PLEKHA5: variants seen among roughly 807,000 people sequenced by gnomAD.
PLEKHA5 encodes pleckstrin homology domain containing A5.
PLEKHA5 carries 55 observed loss-of-function variants against 181.9 expected under a neutral mutation model. That is an observed-to-expected ratio of 0.30 (90% CI 0.24 to 0.38). PLEKHA5 has a LOEUF of 0.38. Among genes scored for constraint, PLEKHA5 ranks in the 10% least tolerant of loss-of-function variants. The probability of loss-of-function intolerance (pLI) is 1.00; values close to 1 mark genes in which losing one functional copy is unlikely to be tolerated. For synonymous variants in PLEKHA5, 535 were observed against 529.4 expected, an observed-to-expected ratio of 1.01 and a Z score of -0.15; for missense variants, 1,432 against 1,549.5, an observed-to-expected ratio of 0.92 and a Z score of 1.27.
chr12:19,348,075 G>T (rs970999717), intron 24 of PLEKHA5, among the ~76,000 whole-genome samples: 3 of 151,880 alleles, frequency 2.0e-5, no homozygotes, highest in Non-Finnish European at 4.4e-5. Flanking sequence ...TAGAGACAGG[G>T]TTTCACCATG....
Position 19,314,851 on chromosome 12 carries a change from C to T in PLEKHA5, c.2075C>T (p.Thr692Ile). The change falls in exon 16 of 32, where the codon ACA (threonine) becomes ATA (isoleucine). Residue 692 changes from threonine (T) to isoleucine (I), a missense_variant. Around this residue, in one of 2 missense-constraint regions of PLEKHA5, gnomAD observed 1,143 missense variants for 1,168.4 expected, o/e 0.98. Transcript: ENST00000429027. The stretch of plus-strand genomic sequence containing the variant: ...GAACCTATTATCACCATGGTTCACA[C>T]AATGATTGAGAACTCGGCGCTAAGA... ...ENEPIITMVH[T>I]MIENSALRPQ... 1 of 1,548,496 alleles carries T rather than the reference C, an allele frequency of 6.5e-7. No homozygotes were observed. The highest frequency in any genetic ancestry group is 8.7e-7 in the Non-Finnish European group (1 of 1,144,206).
chr12:19,334,140 G>C (rs1476581964), intron 20 of PLEKHA5, among the ~76,000 whole-genome samples: 1 of 152,124 alleles, frequency 6.6e-6, no homozygotes, highest in African/African-American at 2.4e-5. Context: ...TACCCAGCCA[G>C]ATGTTGGGAG....
chr12:19,187,056 A>G (rs2050041933), intron 3 of PLEKHA5, among the ~76,000 whole-genome samples: 1 of 152,174 alleles, frequency 6.6e-6, no homozygotes, highest in Admixed American at 6.5e-5. Flanking sequence ...TGTAATGAGC[A>G]TCTTCTATAT....
intron 3 of PLEKHA5, among the ~76,000 whole-genome samples, chr12:19,172,938 CT>C (rs1363231173): frequency 2.3e-5 from 3 of 129,450 alleles, no homozygotes; most frequent in African/African-American, 8.7e-5. Flanking sequence ...TGTTTTGCAT[CT>C]GAGCAATAGA....
At chr12:19,260,892 C>T (rs975180788) in intron 6 of PLEKHA5, 57 bp from the exon 7 acceptor site, 1 of 961,532 alleles carries the variant, frequency 1.0e-6, no homozygotes, top group African/African-American at 1.6e-5. Context: ...TAAATAAATG[C>T]ACATGTGAGT....
Position 19,325,674 on chromosome 12 carries a change from C to A in PLEKHA5, c.2448+3007C>A, listed in dbSNP as rs182367646. Among the ~76,000 whole-genome samples the A allele has an allele frequency of 9.6e-4, 116 of 120,932 alleles. 1 individual carries two copies. Among genetic ancestry groups the A allele is most frequent in the African/African-American group, 3.2e-3 (108 of 33,526 alleles). 79.3% of individuals were successfully genotyped at this position (120,932 alleles called of 152,430 possible). A position where few individuals can be genotyped will look rare whatever the true frequency, so the allele number is the denominator to read the frequency against. ...TTGCACTCCAGCCTGGGCGACAGAG[C>A]GAGACTCTGTCTCAAAAAAAAAAAA... On this transcript the variant is annotated intron_variant, in intron 20 of 31. Transcript: ENST00000429027.
At chr12:19,334,466 G>GTTAA (rs1482989415) in intron 20 of PLEKHA5, among the ~76,000 whole-genome samples, 4 of 152,140 alleles carry the variant, frequency 2.6e-5, no homozygotes, top group Non-Finnish European at 5.9e-5. Flanking sequence ...CTGCAGTGCA[G>GTTAA]TTAAGCCTAC....
At chr12:19,280,442 A>C (rs1565559255) in intron 11 of PLEKHA5, among the ~76,000 whole-genome samples, 1 of 152,178 alleles carries the variant, frequency 6.6e-6, no homozygotes, top group Non-Finnish European at 1.5e-5. Context: ...AAGGATTCCC[A>C]GATTATTAAG....
intron 3 of PLEKHA5, among the ~76,000 whole-genome samples, chr12:19,236,236 G>A (rs573001176): frequency 1.3e-5 from 2 of 152,268 alleles, no homozygotes; most frequent in African/African-American, 4.8e-5. Flanking sequence ...AGTATACGTT[G>A]GTAATCAAAT....
chr12:19,218,931 C>CTTTTTTTTTTAATTTTTTTTTT, intron 3 of PLEKHA5, among the ~76,000 whole-genome samples: 1 of 140,194 alleles, frequency 7.1e-6, no homozygotes, highest in Non-Finnish European at 1.5e-5. Flanking sequence ...TTTTAATTTT[C>CTTTTTTTTTTAATTTTTTTTTT]TTTTTTTTTT....
chr12:19,291,078 G>C (rs997369386), intron 14 of PLEKHA5, among the ~76,000 whole-genome samples: 3 of 152,164 alleles, frequency 2.0e-5, no homozygotes, highest in African/African-American at 7.2e-5. Context: ...CTTCATGTAC[G>C]CATTAACTTC....
chr12:19,350,067 G>A (rs1388563356), intron 25 of PLEKHA5, among the ~76,000 whole-genome samples: 3 of 152,170 alleles, frequency 2.0e-5, no homozygotes, highest in Non-Finnish European at 4.4e-5. Flanking sequence ...AGCCAAGATC[G>A]TGCCACTGCA....
intron 15 of PLEKHA5, among the ~76,000 whole-genome samples, chr12:19,299,280 T>A (rs1288194932): frequency 1.3e-5 from 2 of 152,218 alleles, no homozygotes; most frequent in Non-Finnish European, 2.9e-5. Context: ...GGAAAAATCA[T>A]GAGATTCTGT....
intron 3 of PLEKHA5, among the ~76,000 whole-genome samples, chr12:19,226,315 T>C (rs2059682828): frequency 6.6e-6 from 1 of 152,230 alleles, no homozygotes; most frequent in Non-Finnish European, 1.5e-5. Context: ...TTGTAAATGC[T>C]ACGTTTTGTT....
intron 21 of PLEKHA5, among the ~76,000 whole-genome samples, chr12:19,340,405 G>A (rs1420525827): frequency 1.4e-5 from 2 of 143,182 alleles, no homozygotes; most frequent in Non-Finnish European, 3.1e-5. Flanking sequence ...GCCCCGTCCG[G>A]GAGGTGAGGG....
At chr12:19,197,500 G>T (rs532291149) in intron 3 of PLEKHA5, among the ~76,000 whole-genome samples, 1 of 152,150 alleles carries the variant, frequency 6.6e-6, no homozygotes, top group African/African-American at 2.4e-5. Flanking sequence ...GCCACACTCT[G>T]CTTTTTCTTT....
chr12:19,260,360 G>C (rs887803849), intron 6 of PLEKHA5, among the ~76,000 whole-genome samples: 1 of 152,150 alleles, frequency 6.6e-6, no homozygotes, highest in African/African-American at 2.4e-5. Flanking sequence ...TGTTTGTGTT[G>C]AGAAGAGTGA....
intron 12 of PLEKHA5, among the ~76,000 whole-genome samples, chr12:19,284,875 G>A (rs1426210077): frequency 6.6e-6 from 1 of 152,156 alleles, no homozygotes. Flanking sequence ...TGAGGCTGTA[G>A]TAAGCTGTGA....
At chr12:19,336,780 G>A (rs1190752147) in intron 21 of PLEKHA5, among the ~76,000 whole-genome samples, 164 bp downstream of exon 21, 2 of 152,024 alleles carry the variant, frequency 1.3e-5, no homozygotes, top group African/African-American at 4.8e-5. Context: ...ATCTCACAAA[G>A]GAGACCATCC....
Sources: gnomAD v4.1 joint callset for allele counts (sites outside exome capture counted in the v4.1 genomes callset) on GRCh38, gnomAD v4.1.1 for gene constraint, gnomAD v4.1.1 regional missense constraint, MANE v1.5 for transcripts, NCBI Gene and HGNC (gene_info 2026-07-23, HGNC 2026-07-21) for gene names.